Variants in ERC1 observed in about 807,000 individuals in gnomAD.
ERC1 encodes the protein ELKS/RAB6-interacting/CAST family member 1.
Under a neutral mutation model 132.0 loss-of-function variants are expected in ERC1, and 56 were observed. The observed-to-expected ratio is 0.42, with a 90% CI of 0.34 to 0.53. ERC1 has a LOEUF of 0.53. Among genes scored for constraint, ERC1 ranks in the 20% least tolerant of loss-of-function variants. The pLI, the probability that ERC1 is intolerant of heterozygous loss-of-function variation, is 0.03. For synonymous variants in ERC1, 478 were observed against 476.1 expected, an observed-to-expected ratio of 1.00 and a Z score of -0.05; for missense variants, 1,202 against 1,349.9, an observed-to-expected ratio of 0.89 and a Z score of 1.72.
chr12:1,000,692 C>T (rs554979035), intron 1 of ERC1, among the ~76,000 whole-genome samples: 68 of 152,086 alleles, frequency 4.5e-4, no homozygotes, highest in African/African-American at 1.3e-3. Context: ...GAACCTGGGA[C>T]GCACAGGTTG....
chr12:1,415,170 T>A (rs143323870), intron 17 of ERC1, among the ~76,000 whole-genome samples: 1 of 152,218 alleles, frequency 6.6e-6, no homozygotes, highest in Non-Finnish European at 1.5e-5. Context: ...GTAGAAACTT[T>A]CCTTCCAGTA....
chr12:1,348,690 T>C (rs964042376), intron 15 of ERC1, among the ~76,000 whole-genome samples: 1 of 145,376 alleles, frequency 6.9e-6, no homozygotes, highest in African/African-American at 2.6e-5. Flanking sequence ...GAAGACTCCA[T>C]CTAAAAAAAA....
At chr12:1,476,911 C>T (rs944783906) in intron 18 of ERC1, among the ~76,000 whole-genome samples, 4 of 152,106 alleles carry the variant, frequency 2.6e-5, no homozygotes, top group African/African-American at 9.7e-5. Context: ...GATTACAATG[C>T]AGCCCATTAT....
At chr12:1,289,434 C>T (rs1165030962) in intron 14 of ERC1, among the ~76,000 whole-genome samples, 1 of 151,910 alleles carries the variant, frequency 6.6e-6, no homozygotes, top group Non-Finnish European at 1.5e-5. Context: ...TCTATGTATA[C>T]AGGAAATCTG....
chr12:1,488,710 C>T (rs2094279956), intron 18 of ERC1, among the ~76,000 whole-genome samples: 1 of 152,188 alleles, frequency 6.6e-6, no homozygotes, highest in African/African-American at 2.4e-5. Flanking sequence ...TTTAATTTTC[C>T]TCCTTTCTTT....
intron 2 of ERC1, among the ~76,000 whole-genome samples, chr12:1,063,651 A>C (rs375180994): frequency 6.6e-6 from 1 of 151,864 alleles, no homozygotes; most frequent in Admixed American, 6.6e-5. Flanking sequence ...AAAAAAATCC[A>C]CTCATTCAGC....
chr12:1,372,662 C>T (rs2087381394), intron 16 of ERC1, among the ~76,000 whole-genome samples: 1 of 152,180 alleles, frequency 6.6e-6, no homozygotes, highest in Non-Finnish European at 1.5e-5. Context: ...CATCGGAGCC[C>T]TGCTTGAACG....
chr12:1,130,088 T>C (rs1186271650), intron 7 of ERC1, among the ~76,000 whole-genome samples: 1 of 152,236 alleles, frequency 6.6e-6, no homozygotes, highest in Non-Finnish European at 1.5e-5. Context: ...TCTAGATTGT[T>C]TCTATCTTCC....
chr12:1,164,279 ATGTTATTTTATTT>A (rs1156632938), intron 8 of ERC1, among the ~76,000 whole-genome samples: 10 of 135,554 alleles, frequency 7.4e-5, no homozygotes, highest in East Asian at 2.0e-4. Context: ...TTGTTATTTT[ATGTTATTTTATTT>A]TGTTATTTTA....
chr12:1,236,371 A>C (rs1364592681), intron 12 of ERC1, among the ~76,000 whole-genome samples: 2 of 152,188 alleles, frequency 1.3e-5, no homozygotes, highest in African/African-American at 2.4e-5. Context: ...AATAATGGTA[A>C]AATTAGAGTT....
At chr12:1,004,652 G>T (rs984302230) in intron 1 of ERC1, among the ~76,000 whole-genome samples, 10 of 151,356 alleles carry the variant, frequency 6.6e-5, no homozygotes, top group African/African-American at 2.4e-4. Flanking sequence ...TGATCCAACC[G>T]CCTTGGCCCC....
At chr12:1,099,249 G>T (rs1348557914) in intron 3 of ERC1, among the ~76,000 whole-genome samples, 1 of 152,072 alleles carries the variant, frequency 6.6e-6, no homozygotes, top group Non-Finnish European at 1.5e-5. Flanking sequence ...AAGAAGGAGA[G>T]ATAGCAGGTG....
At chr12:1,054,042 T>G (rs1972503263) in intron 2 of ERC1, among the ~76,000 whole-genome samples, 1 of 152,176 alleles carries the variant, frequency 6.6e-6, no homozygotes. Context: ...CCTATGTTAT[T>G]TGTATTGTCC....
chr12:1,114,573 A>G (rs1432969861), intron 6 of ERC1, among the ~76,000 whole-genome samples: 3 of 152,186 alleles, frequency 2.0e-5, no homozygotes, highest in African/African-American at 7.2e-5. Context: ...TGTTACAATC[A>G]GTGTGTTAGG....
rs1357360403 is a variant in ERC1, at chr12:1,394,172, G to A, written c.2926-13977G>A. On this transcript the variant is annotated intron_variant, in intron 16 of 18. Coordinates refer to ENST00000360905, the MANE Select transcript of ERC1 (RefSeq NM_178040.4). ...TCCCAGCACTTTGGGAGGCCAAGGC[G>A]GGCAGATCACGAGGTCAGGAGATCG... is the stretch of plus-strand genomic sequence containing the variant. Among the ~76,000 whole-genome samples the A allele has an allele frequency of 5.9e-5, 9 of 151,884 alleles. No homozygotes were observed. The East Asian group carries it at 1.2e-3, about 20-fold the overall frequency.
At chr12:1,025,888 G>A (rs540432734) in intron 1 of ERC1, among the ~76,000 whole-genome samples, 7 of 146,718 alleles carry the variant, frequency 4.8e-5, no homozygotes, top group South Asian at 2.2e-4. Flanking sequence ...AATGTCTGCC[G>A]CCTGGGTTCA....
At chr12:1,188,929 C>T (rs1955412928) in intron 11 of ERC1, among the ~76,000 whole-genome samples, 1 of 152,154 alleles carries the variant, frequency 6.6e-6, no homozygotes, top group African/African-American at 2.4e-5. Context: ...TTCCAGAAGA[C>T]AGCTAGGGAC....
intron 3 of ERC1, among the ~76,000 whole-genome samples, chr12:1,102,977 AT>A (rs1304515050): frequency 6.6e-6 from 1 of 152,122 alleles, no homozygotes; most frequent in Admixed American, 6.5e-5. Flanking sequence ...AGTTTCGAAA[AT>A]TTTGCCACAC....
intron 2 of ERC1, among the ~76,000 whole-genome samples, chr12:1,062,185 G>A (rs111418360): frequency 0.017 from 2,510 of 151,802 alleles, 61 homozygotes; most frequent in African/African-American, 0.058. Context: ...GGGTTTCACC[G>A]TGTTAGCCAG....
Sources: allele counts gnomAD v4.1 joint callset (sites outside exome capture counted in the v4.1 genomes callset), GRCh38; gene constraint gnomAD v4.1.1; transcripts MANE v1.5; gene names NCBI Gene and HGNC (gene_info 2026-07-23, HGNC 2026-07-21).